The following NUMB variants were observed in gnomAD, a reference collection of about 807,000 sequenced individuals.
The protein encoded by NUMB is NUMB endocytic adaptor protein.
A neutral mutation model predicts 59.7 loss-of-function variants in NUMB; 29 were observed. The ratio of observed to expected loss-of-function variants is 0.49; its 90% confidence interval spans 0.36 to 0.66. The LOEUF (loss-of-function observed/expected upper bound fraction) is 0.66. Ranked by LOEUF, NUMB falls within the 30% of genes least tolerant of loss-of-function variation. The pLI, the probability that NUMB is intolerant of heterozygous loss-of-function variation, is 0.00. For missense variants in NUMB, 723 were observed against 822.0 expected (o/e 0.88, Z 1.47); for synonymous variants, 288 against 288.2 (o/e 1.00, Z 0.01).
chr14:73,418,775 A>G (rs1897236021), intron 1 of NUMB, among the ~76,000 whole-genome samples: 1 of 152,134 alleles, frequency 6.6e-6, no homozygotes, highest in African/African-American at 2.4e-5. Flanking sequence ...CTGTCTCGAA[A>G]AAAAAAAAGT....
At chr14:73,450,897 A>G (rs903181167) in intron 1 of NUMB, among the ~76,000 whole-genome samples, 3 of 152,130 alleles carry the variant, frequency 2.0e-5, no homozygotes, top group African/African-American at 7.2e-5. Flanking sequence ...CACGCCTGTA[A>G]TCCCAGCACT....
At chr14:73,277,555 C>T (rs34076521) in intron 12 of NUMB, among the ~76,000 whole-genome samples, 9,637 of 152,172 alleles carry the variant, frequency 0.063, 758 homozygotes, top group African/African-American at 0.18. Context: ...TAAACCACGG[C>T]AGCTGACTGA....
intron 9 of NUMB, chr14:73,285,253 C>T (rs1488428844): frequency 6.6e-6 from 1 of 152,096 alleles, no homozygotes; most frequent in East Asian, 1.9e-4. Context: ...CTGTGGGTAC[C>T]AGTTGAGTCC....
chr14:73,439,975 C>A (rs568418528), intron 1 of NUMB, among the ~76,000 whole-genome samples: 1 of 152,170 alleles, frequency 6.6e-6, no homozygotes, highest in African/African-American at 2.4e-5. Flanking sequence ...AAATTATATA[C>A]AACCTGTATA....
intron 7 of NUMB, among the ~76,000 whole-genome samples, chr14:73,295,696 C>T (rs1889730519): frequency 6.6e-6 from 1 of 152,132 alleles, no homozygotes; most frequent in East Asian, 1.9e-4. Context: ...CTTTCAGTGG[C>T]ATTTGAATTT....
chr14:73,289,873 C>T (rs1332344688), intron 8 of NUMB, among the ~76,000 whole-genome samples: 1 of 152,172 alleles, frequency 6.6e-6, no homozygotes, highest in Non-Finnish European at 1.5e-5. Flanking sequence ...GTCAAGGAAG[C>T]TTGCTTATTC....
At chr14:73,313,982 A>T (rs1241037324) in intron 6 of NUMB, among the ~76,000 whole-genome samples, 2 of 152,126 alleles carry the variant, frequency 1.3e-5, no homozygotes, top group Non-Finnish European at 1.5e-5. Context: ...AGATCACCTG[A>T]GGTCAGGAGT....
chr14:73,401,566 T>A (rs1215869192), intron 2 of NUMB, among the ~76,000 whole-genome samples: 1 of 134,948 alleles, frequency 7.4e-6, no homozygotes, highest in African/African-American at 3.1e-5. Flanking sequence ...AGACTAAATT[T>A]TTTTTTTTTT....
At position 73,446,401 on chromosome 14, in the gene NUMB, T is replaced by C. The variant is rs1380912621; in HGVS notation, c.-233+12092A>G. Among the ~76,000 whole-genome samples the C allele has an allele frequency of 2.7e-5, 4 of 148,432 alleles. No homozygotes were observed. In the South Asian group the frequency reaches 8.6e-4, roughly 32 times the overall value. ...GGCGGGTAGATCACAAGGTCAGGAG[T>C]TCGAGACCAGCCTGGCCAATATGGT... On this transcript the variant is annotated intron_variant, in intron 1 of 12. Coordinates refer to ENST00000555238, the MANE Select transcript of NUMB (RefSeq NM_001005743.2).
chr14:73,450,726 T>C (rs534566187), intron 1 of NUMB, among the ~76,000 whole-genome samples: 322 of 151,438 alleles, frequency 2.1e-3, no homozygotes, highest in Non-Finnish European at 3.9e-3. Flanking sequence ...TAGGCGGAGG[T>C]TGCAGTGAGC....
chr14:73,359,168 C>T (rs1389707194), intron 3 of NUMB, among the ~76,000 whole-genome samples: 1 of 152,120 alleles, frequency 6.6e-6, no homozygotes, highest in Non-Finnish European at 1.5e-5. Flanking sequence ...AAAACGAAAA[C>T]ACATAATTAT....
intron 4 of NUMB, among the ~76,000 whole-genome samples, chr14:73,353,342 A>G (rs944707517): frequency 6.7e-6 from 1 of 148,882 alleles, no homozygotes. Context: ...CCGCCTCGGC[A>G]TCCCAAAGTG....
chr14:73,435,051 C>CA (rs969209623), intron 1 of NUMB, among the ~76,000 whole-genome samples: 2 of 151,290 alleles, frequency 1.3e-5, no homozygotes, highest in Non-Finnish European at 2.9e-5. Flanking sequence ...AGATATTCAC[C>CA]AAAAAAAAGT....
chr14:73,352,477 C>CATATATATATAT (rs1170959840), intron 4 of NUMB, among the ~76,000 whole-genome samples: 2 of 12,692 alleles, frequency 1.6e-4, no homozygotes, highest in East Asian at 3.6e-3. Context: ...CACACACACA[C>CATATATATATAT]ATATATATAT....
At chr14:73,358,972 G>T (rs1893960063) in intron 3 of NUMB, among the ~76,000 whole-genome samples, 1 of 152,102 alleles carries the variant, frequency 6.6e-6, no homozygotes, top group Admixed American at 6.6e-5. Flanking sequence ...AGGAACCACT[G>T]ACAACTTCCA....
intron 4 of NUMB, among the ~76,000 whole-genome samples, chr14:73,352,485 T>C (rs1412176227): frequency 0.053 from 260 of 4,942 alleles, 10 homozygotes; most frequent in South Asian, 0.07. Flanking sequence ...CACATATATA[T>C]ATATATATAT....
chr14:73,341,491 C>T (rs910066604), intron 4 of NUMB, among the ~76,000 whole-genome samples: 17 of 151,990 alleles, frequency 1.1e-4, no homozygotes, highest in African/African-American at 3.9e-4. Flanking sequence ...TAAAACATTA[C>T]CAATGGTAAA....
intron 1 of NUMB, among the ~76,000 whole-genome samples, chr14:73,455,868 G>C (rs1540343): frequency 6.6e-6 from 1 of 152,060 alleles, no homozygotes; most frequent in Non-Finnish European, 1.5e-5. Context: ...AATGCTTTAC[G>C]GTACAGTGAT....
At chr14:73,372,343 T>TA (rs1555375730) in intron 2 of NUMB, among the ~76,000 whole-genome samples, 1 of 100,780 alleles carries the variant, frequency 9.9e-6, no homozygotes, top group African/African-American at 3.8e-5. Context: ...ATATAACCTT[T>TA]TATATATATA....
Sources: gnomAD v4.1 joint callset for allele counts (sites outside exome capture counted in the v4.1 genomes callset) on GRCh38, gnomAD v4.1.1 for gene constraint, MANE v1.5 for transcripts, NCBI Gene and HGNC (gene_info 2026-07-23, HGNC 2026-07-21) for gene names.